The following PLLP variants were observed in gnomAD, a reference collection of about 807,000 sequenced individuals.
PLLP encodes the protein plasmolipin.
Under a neutral mutation model 19.7 loss-of-function variants are expected in PLLP, and 15 were observed. The observed-to-expected ratio is 0.76, with a 90% CI of 0.51 to 1.17. PLLP has a LOEUF of 1.17. Among genes scored for constraint, PLLP ranks in the 50% most tolerant of loss-of-function variants. The pLI, the probability that PLLP is intolerant of heterozygous loss-of-function variation, is 0.00. For missense variants in PLLP, 255 were observed against 258.3 expected (o/e 0.99, Z 0.09); for synonymous variants, 111 against 116.3 (o/e 0.95, Z 0.29).
At chr16:57,284,332 C>G in intron 1 of PLLP, 74 bp downstream of exon 1, 1 of 1,224,802 alleles carries the variant, frequency 8.2e-7, no homozygotes, top group Non-Finnish European at 1.0e-6. Context: ...ATGAACGCAG[C>G]GCCGGAGTCC....
At chr16:57,277,670 G>C (rs1251398284) in intron 1 of PLLP, among the ~76,000 whole-genome samples, 1 of 152,152 alleles carries the variant, frequency 6.6e-6, no homozygotes, top group East Asian at 1.9e-4. Flanking sequence ...GCTGTGCACT[G>C]ATACAGAATA....
rs570698291 is a variant in PLLP at position 57,269,536 on chromosome 16, C to T, written c.136-7466G>A. Among the ~76,000 whole-genome samples, 11 of 152,128 alleles carry T rather than the reference C, an allele frequency of 7.2e-5. No homozygotes were observed. The South Asian group carries it at 1.7e-3, about 23-fold the overall frequency. ...CAGTCGTGAAGGCTATGAGACAGTC[C>T]GGGGCTGGGGGAGGGAAATCCCAGA... On this transcript the variant is annotated intron_variant, in intron 1 of 3. Coordinates refer to ENST00000219207, the MANE Select transcript of PLLP (RefSeq NM_015993.3).
At chr16:57,274,145 G>A (rs912409587) in intron 1 of PLLP, among the ~76,000 whole-genome samples, 3 of 151,672 alleles carry the variant, frequency 2.0e-5, no homozygotes, top group Non-Finnish European at 4.4e-5. Flanking sequence ...AACCATACCT[G>A]GCTAATTTTT....
intron 1 of PLLP, among the ~76,000 whole-genome samples, chr16:57,282,115 C>A (rs998264170): frequency 5.9e-5 from 9 of 152,182 alleles, no homozygotes; most frequent in Non-Finnish European, 1.2e-4. Flanking sequence ...CAAGCCTGCC[C>A]TAGAGGAAGC....
intron 1 of PLLP, among the ~76,000 whole-genome samples, chr16:57,264,406 G>A (rs1300356770): frequency 6.6e-6 from 1 of 152,224 alleles, no homozygotes; most frequent in Non-Finnish European, 1.5e-5. Flanking sequence ...TCTGGGTTTT[G>A]TTCACTGCTG....
Position 57,256,607 on chromosome 16 carries a change from C to G in PLLP, c.*306G>C. ...GCTGGTGAGAAGGGTGGGCCCCAGT[C>G]TTGGACGCTGAAGTCCTCTAAAGAC... On this transcript the variant is annotated 3_prime_UTR_variant, in exon 4 of 4. Coordinates refer to ENST00000219207, the MANE Select transcript of PLLP (RefSeq NM_015993.3). The G allele has an allele frequency of 2.8e-6, 1 of 363,060 alleles. No homozygotes were observed. The highest frequency in any genetic ancestry group is 5.1e-6 in the Non-Finnish European group (1 of 196,280). 22.5% of individuals were successfully genotyped at this position (363,060 alleles called of 1,614,324 possible). A position where few individuals can be genotyped will look rare whatever the true frequency, so the allele number is the denominator to read the frequency against.
At chr16:57,281,360 T>C (rs943963831) in intron 1 of PLLP, among the ~76,000 whole-genome samples, 4 of 152,206 alleles carry the variant, frequency 2.6e-5, no homozygotes, top group Non-Finnish European at 4.4e-5. Context: ...AGCCTAGTGC[T>C]GGCCTGATAG....
chr16:57,277,959 A>G (rs1056368505), intron 1 of PLLP, among the ~76,000 whole-genome samples: 13 of 152,170 alleles, frequency 8.5e-5, no homozygotes, highest in Admixed American at 8.5e-4. Context: ...CAATTCCATC[A>G]GTAGAGAAAC....
intron 2 of PLLP, among the ~76,000 whole-genome samples, chr16:57,259,066 T>C (rs1356694633): frequency 6.6e-6 from 1 of 152,024 alleles, no homozygotes; most frequent in Non-Finnish European, 1.5e-5. Context: ...GGCCACAGTT[T>C]CCAGGGAGTC....
intron 1 of PLLP, among the ~76,000 whole-genome samples, chr16:57,281,344 G>A (rs913933123): frequency 6.6e-6 from 1 of 152,148 alleles, no homozygotes; most frequent in Non-Finnish European, 1.5e-5. Context: ...CTTGGCAAAG[G>A]GCCTGAGCCT....
At chr16:57,260,660 G>A (rs1446086444) in intron 2 of PLLP, among the ~76,000 whole-genome samples, 10 of 152,106 alleles carry the variant, frequency 6.6e-5, no homozygotes, top group African/African-American at 2.4e-4. Flanking sequence ...GAAAGCCTCA[G>A]ACCCCAGCTG....
intron 1 of PLLP, among the ~76,000 whole-genome samples, chr16:57,268,220 C>G (rs1187965832): frequency 6.6e-6 from 1 of 152,212 alleles, no homozygotes; most frequent in Non-Finnish European, 1.5e-5. Context: ...TTCTGCCACC[C>G]AGTTTGTGGA....
chr16:57,278,848 C>T (rs568662853), intron 1 of PLLP, among the ~76,000 whole-genome samples: 1 of 152,266 alleles, frequency 6.6e-6, no homozygotes, highest in East Asian at 1.9e-4. Flanking sequence ...TCCTGGAGAC[C>T]AGAGTTGGCT....
rs1246213825 is a variant in PLLP at position 57,258,487 on chromosome 16, G to A, written c.407C>T (p.Pro136Leu). The change falls in exon 3 of 4, where the codon CCT (proline) becomes CTT (leucine). Residue 136 changes from proline to leucine, a missense_variant. Transcript: ENST00000219207. ...CGAGGCAGCCGCGCGCTGGTTATAA[G>A]GCCGGGTGCCCCTCAGGGATGTCAG... ...VDLTSLRGTR[P>L]YNQRAAASFF... The A allele has an allele frequency of 1.2e-5, 19 of 1,612,592 alleles. No individual in the cohort carries two copies. The highest frequency in any genetic ancestry group is 2.7e-5 in the African/African-American group (2 of 75,066).
Position 57,284,584 on chromosome 16 carries a change from C to T in PLLP, c.-44G>A, listed in dbSNP as rs759742764. ...CCGAGGTCGCTACGGCCGCCGTCGC[C>T]GCCCCTCCAGCGGTGGGTGCCGGCT... On this transcript the variant is annotated 5_prime_UTR_variant, in exon 1 of 4. Coordinates refer to ENST00000219207, the MANE Select transcript of PLLP (RefSeq NM_015993.3). The T allele has an allele frequency of 3.7e-5, 49 of 1,315,972 alleles. No individual in the cohort carries two copies. The African/African-American group carries it at 6.5e-4, about 17-fold the overall frequency. 81.5% of individuals were successfully genotyped at this position (1,315,972 alleles called of 1,614,324 possible).
At chr16:57,270,072 A>G (rs1173443173) in intron 1 of PLLP, among the ~76,000 whole-genome samples, 1 of 152,120 alleles carries the variant, frequency 6.6e-6, no homozygotes, top group Non-Finnish European at 1.5e-5. Flanking sequence ...CCTGGCAAAA[A>G]TCAGCTTTTT....
At chr16:57,265,109 C>T (rs535060360) in intron 1 of PLLP, among the ~76,000 whole-genome samples, 331 of 152,350 alleles carry the variant, frequency 2.2e-3, no homozygotes, top group African/African-American at 6.9e-3. Context: ...CTCTGCTGCC[C>T]GTCAGCACTC....
At chr16:57,265,615 G>A (rs1222152394) in intron 1 of PLLP, among the ~76,000 whole-genome samples, 5 of 152,180 alleles carry the variant, frequency 3.3e-5, no homozygotes. Context: ...CTCGCTCTGT[G>A]CCAGACACAT....
chr16:57,275,462 C>T (rs1901137981), intron 1 of PLLP, among the ~76,000 whole-genome samples: 1 of 151,790 alleles, frequency 6.6e-6, no homozygotes, highest in South Asian at 2.1e-4. Context: ...TAGAAGCTAA[C>T]AAGGTAATTA....
Sources: allele counts gnomAD v4.1 joint callset (sites outside exome capture counted in the v4.1 genomes callset), GRCh38; gene constraint gnomAD v4.1.1; transcripts MANE v1.5; gene names NCBI Gene and HGNC (gene_info 2026-07-23, HGNC 2026-07-21).